CDH13: variants seen among roughly 807,000 people sequenced by gnomAD.
CDH13 encodes the protein cadherin-13.
CDH13 carries 24 observed loss-of-function variants against 63.8 expected under a neutral mutation model. That is an observed-to-expected ratio of 0.38 (90% confidence interval 0.27 to 0.53). CDH13 has a LOEUF of 0.53. Among genes scored for constraint, CDH13 ranks in the 20% least tolerant of loss-of-function variants. The probability of loss-of-function intolerance (pLI) is 0.85; values close to 1 mark genes in which losing one functional copy is unlikely to be tolerated. For synonymous variants in CDH13, 503 were observed against 355.3 expected, an observed-to-expected ratio of 1.42 and a Z score of -4.67; for missense variants, 1,049 against 903.1, an observed-to-expected ratio of 1.16 and a Z score of -2.07.
chr16:82,769,443 T>C (rs1387353420), intron 1 of CDH13, among the ~76,000 whole-genome samples: 1 of 152,178 alleles, frequency 6.6e-6, no homozygotes, highest in African/African-American at 2.4e-5. Context: ...AAAGGCTTCA[T>C]GCCCTCAGCA....
intron 5 of CDH13, among the ~76,000 whole-genome samples, chr16:83,309,331 A>T (rs2089949385): frequency 6.6e-6 from 1 of 151,794 alleles, no homozygotes; most frequent in African/African-American, 2.4e-5. Flanking sequence ...TCTTCAGCAG[A>T]TGTCCTTTGA....
At chr16:83,125,902 G>C (rs996605316) in intron 4 of CDH13, among the ~76,000 whole-genome samples, 6 of 152,036 alleles carry the variant, frequency 3.9e-5, no homozygotes, top group Non-Finnish European at 8.8e-5. Context: ...CGTACCACTG[G>C]GTCGGTTTTC....
intron 1 of CDH13, among the ~76,000 whole-genome samples, chr16:82,692,536 C>T (rs541062778): frequency 6.6e-6 from 1 of 152,146 alleles, no homozygotes; most frequent in East Asian, 1.9e-4. Flanking sequence ...GAAAGAGCCA[C>T]CCCCATGATT....
At position 82,643,498 on chromosome 16, in the gene CDH13, T is replaced by C. The variant is rs552013923; in HGVS notation, c.45+16361T>C. Among the ~76,000 whole-genome samples, 8 of 152,350 alleles carry C rather than the reference T, an allele frequency of 5.3e-5. No homozygotes were observed. In the East Asian group the frequency reaches 1.5e-3, roughly 29 times the overall value. ...AAGACCCAGGCTGTTTGGGTCTAAT[T>C]CCTTCTGGCTACACTGGTTCTTACA... On this transcript the variant is annotated intron_variant, in intron 1 of 13. Transcript: ENST00000567109.
chr16:83,417,959 T>C (rs2071603272), intron 6 of CDH13, among the ~76,000 whole-genome samples: 1 of 151,820 alleles, frequency 6.6e-6, no homozygotes, highest in African/African-American at 2.4e-5. Context: ...CCCCTTAACA[T>C]GGAAAACTCC....
chr16:82,679,217 G>T (rs1437492059), intron 1 of CDH13, among the ~76,000 whole-genome samples: 3 of 152,170 alleles, frequency 2.0e-5, no homozygotes, highest in African/African-American at 7.2e-5. Flanking sequence ...GAAGCTCCAA[G>T]GAAGAATGCA....
intron 6 of CDH13, among the ~76,000 whole-genome samples, chr16:83,469,627 C>T (rs1276057333): frequency 1.3e-5 from 2 of 152,166 alleles, no homozygotes; most frequent in East Asian, 1.9e-4. Flanking sequence ...TGTGTGTAAG[C>T]ATCTCTGTCT....
At chr16:83,560,688 G>A (rs764511634) in intron 7 of CDH13, among the ~76,000 whole-genome samples, 4 of 152,232 alleles carry the variant, frequency 2.6e-5, no homozygotes, top group African/African-American at 4.8e-5. Context: ...GTGCTCTGCC[G>A]TTGATGTTAC....
intron 7 of CDH13, among the ~76,000 whole-genome samples, chr16:83,598,882 C>T (rs2067861): frequency 0.49 from 75,009 of 152,076 alleles, 21,100 homozygotes; most frequent in African/African-American, 0.78. Flanking sequence ...AGATAACTTC[C>T]TTTCCCTAAG....
At chr16:82,783,981 A>G (rs2035887518) in intron 1 of CDH13, among the ~76,000 whole-genome samples, 1 of 152,132 alleles carries the variant, frequency 6.6e-6, no homozygotes, top group African/African-American at 2.4e-5. Context: ...TTTTTCTTCT[A>G]CCTCCGCAGG....
At chr16:83,794,418 C>T (rs1916471106) in intron 13 of CDH13, among the ~76,000 whole-genome samples, 2 of 152,214 alleles carry the variant, frequency 1.3e-5, no homozygotes, top group Admixed American at 6.5e-5. Flanking sequence ...CCAGGCATGG[C>T]GGTGCATGCC....
chr16:83,581,763 G>A (rs1036559920), intron 7 of CDH13, among the ~76,000 whole-genome samples: 1 of 152,190 alleles, frequency 6.6e-6, no homozygotes, highest in Non-Finnish European at 1.5e-5. Flanking sequence ...AGGCTGCAAT[G>A]AGCCAAAATC....
intron 10 of CDH13, among the ~76,000 whole-genome samples, chr16:83,744,308 C>T (rs1208847339): frequency 6.6e-6 from 1 of 152,198 alleles, no homozygotes; most frequent in Non-Finnish European, 1.5e-5. Context: ...GGGAAAGTCA[C>T]ACTGGATGAA....
chr16:82,792,416 A>G (rs75496914), intron 1 of CDH13, among the ~76,000 whole-genome samples: 1,588 of 152,300 alleles, frequency 0.01, 26 homozygotes, highest in African/African-American at 0.037. Context: ...CTGATAAAAA[A>G]AAGATCAATT....
chr16:83,568,721 AGT>A (rs750338059), intron 7 of CDH13, among the ~76,000 whole-genome samples: 1 of 152,182 alleles, frequency 6.6e-6, no homozygotes, highest in Non-Finnish European at 1.5e-5. Flanking sequence ...CGTCTGTAAC[AGT>A]GTCTTTTCCA....
intron 4 of CDH13, among the ~76,000 whole-genome samples, chr16:83,156,680 G>A (rs1241868203): frequency 1.3e-5 from 2 of 152,188 alleles, no homozygotes; most frequent in Non-Finnish European, 2.9e-5. Context: ...CTTGACTTCT[G>A]CGTCTTGACG....
At chr16:83,256,815 A>G (rs907154727) in intron 5 of CDH13, among the ~76,000 whole-genome samples, 1 of 138,624 alleles carries the variant, frequency 7.2e-6, no homozygotes, top group South Asian at 2.4e-4. Context: ...ACTGCACTCC[A>G]GCCTGGGCGA....
At chr16:83,713,154 A>G (rs545877513) in intron 10 of CDH13, among the ~76,000 whole-genome samples, 89 of 152,332 alleles carry the variant, frequency 5.8e-4, no homozygotes, top group Middle Eastern at 3.4e-3. Flanking sequence ...AAACAGATCA[A>G]CCTGGGAAAG....
chr16:83,069,854 G>A (rs150697194), intron 3 of CDH13, among the ~76,000 whole-genome samples: 5 of 152,288 alleles, frequency 3.3e-5, no homozygotes, highest in African/African-American at 1.2e-4. Context: ...TTGTCTTTTA[G>A]AGGAAAACAA....
Sources: allele counts gnomAD v4.1 joint callset (sites outside exome capture counted in the v4.1 genomes callset), GRCh38; gene constraint gnomAD v4.1.1; transcripts MANE v1.5; gene names NCBI Gene and HGNC (gene_info 2026-07-23, HGNC 2026-07-21).